The following CCDC85A variants were observed in gnomAD, a reference collection of about 807,000 sequenced individuals.
CCDC85A encodes the protein coiled-coil domain-containing protein 85A.
CCDC85A carries 38 observed loss-of-function variants against 50.2 expected under a neutral mutation model. That is an observed-to-expected ratio of 0.76 (90% confidence interval 0.58 to 0.99). CCDC85A has a LOEUF of 0.99. Ranked by LOEUF, CCDC85A falls within the 50% of genes least tolerant of loss-of-function variation. The pLI, the probability that CCDC85A is intolerant of heterozygous loss-of-function variation, is 0.00. For synonymous variants in CCDC85A, 366 were observed against 301.4 expected (o/e 1.21, Z -2.22); for missense variants, 820 against 742.0 (o/e 1.11, Z -1.22).
intron 2 of CCDC85A, among the ~76,000 whole-genome samples, chr2:56,229,480 T>A (rs1230066731): frequency 1.3e-5 from 2 of 152,142 alleles, no homozygotes; most frequent in South Asian, 4.1e-4. Context: ...ATTTTAGACC[T>A]TAGTTCTTCA....
At chr2:56,260,894 T>G (rs1209640155) in intron 2 of CCDC85A, among the ~76,000 whole-genome samples, 1 of 152,210 alleles carries the variant, frequency 6.6e-6, no homozygotes, top group Non-Finnish European at 1.5e-5. Flanking sequence ...TAACCTTTGA[T>G]TATTAGAACT....
At chr2:56,236,638 T>G (rs572673857) in intron 2 of CCDC85A, among the ~76,000 whole-genome samples, 44 of 152,306 alleles carry the variant, frequency 2.9e-4, no homozygotes, top group Admixed American at 1.4e-3. Context: ...TTTCAAAATT[T>G]AAAAGTGTCC....
At chr2:56,364,841 A>G (rs888292155) in intron 3 of CCDC85A, among the ~76,000 whole-genome samples, 10 of 150,906 alleles carry the variant, frequency 6.6e-5, no homozygotes, top group Admixed American at 2.6e-4. Flanking sequence ...TGTAGGCAAT[A>G]AGTAATACTT....
chr2:56,184,443 G>T lies in CCDC85A; in HGVS notation c.-182G>T. ...GGGGGAGCGCGGGCGCGCGCGCGGG[G>T]ATGGCGAGGTAGGATGGCCACCCAG... On this transcript the variant is annotated 5_prime_UTR_variant, in exon 1 of 6. Coordinates refer to ENST00000407595, the MANE Select transcript of CCDC85A (RefSeq NM_001080433.2). 1.5e-6 allele frequency: 1 copy of T among 650,054 alleles called. No individual in the cohort carries two copies. 40.3% of individuals were successfully genotyped at this position (650,054 alleles called of 1,614,324 possible).
intron 5 of CCDC85A, among the ~76,000 whole-genome samples, chr2:56,377,517 G>A (rs1011578092): frequency 1.3e-5 from 2 of 152,150 alleles, no homozygotes; most frequent in Admixed American, 1.3e-4. Context: ...AGCATAGTGA[G>A]TCACACTGAA....
intron 2 of CCDC85A, among the ~76,000 whole-genome samples, chr2:56,299,048 C>G (rs1314281625): frequency 6.6e-6 from 1 of 152,148 alleles, no homozygotes; most frequent in African/African-American, 2.4e-5. Flanking sequence ...TTTAGGCATA[C>G]AACAGTGTGG....
chr2:56,296,395 C>T (rs1031896935), intron 2 of CCDC85A, among the ~76,000 whole-genome samples: 1 of 152,098 alleles, frequency 6.6e-6, no homozygotes, highest in African/African-American at 2.4e-5. Flanking sequence ...TTCTTCTTTC[C>T]CTTTTCCATA....
In CCDC85A at chr2:56,283,464, A is replaced by G. The variant is rs552539885; in HGVS notation, c.1241-59415A>G. On this transcript the variant is annotated intron_variant, in intron 2 of 5. Transcript: ENST00000407595. The stretch of plus-strand genomic sequence containing the variant: ...TTTTTTGAATAAATTCCACTTGGTT[A>G]TGAAAGTTTCTTTTCTAACATTTGC... Among the ~76,000 whole-genome samples the G allele has an allele frequency of 3.1e-3, 476 of 152,264 alleles. 3 individuals carry two copies. Among genetic ancestry groups the G allele is most frequent in the African/African-American group, 0.011 (459 of 41,560 alleles).
chr2:56,248,604 G>A (rs1303463579), intron 2 of CCDC85A, among the ~76,000 whole-genome samples: 2 of 152,218 alleles, frequency 1.3e-5, no homozygotes, highest in East Asian at 3.8e-4. Flanking sequence ...CGACAAGGCA[G>A]AGGCTCAACA....
chr2:56,305,662 A>T (rs1012025400), intron 2 of CCDC85A, among the ~76,000 whole-genome samples: 3 of 152,252 alleles, frequency 2.0e-5, no homozygotes, highest in Non-Finnish European at 2.9e-5. Context: ...GTTTCATTAC[A>T]GGCAGAATCC....
chr2:56,252,618 G>A (rs1018823489), intron 2 of CCDC85A, among the ~76,000 whole-genome samples: 19 of 151,942 alleles, frequency 1.3e-4, no homozygotes, highest in Non-Finnish European at 2.4e-4. Context: ...AGGTATACAC[G>A]TGCCATGGTG....
chr2:56,296,941 T>G (rs1671977391), intron 2 of CCDC85A, among the ~76,000 whole-genome samples: 1 of 151,278 alleles, frequency 6.6e-6, no homozygotes, highest in Admixed American at 6.6e-5. Flanking sequence ...GAAATAAGAC[T>G]TTTGAAAACA....
At chr2:56,356,832 G>T (rs773028187) in intron 3 of CCDC85A, among the ~76,000 whole-genome samples, 15 of 151,490 alleles carry the variant, frequency 9.9e-5, no homozygotes, top group Admixed American at 2.0e-4. Context: ...CGCTTTGGGA[G>T]GCCGAGGCTT....
chr2:56,265,653 G>A (rs941368844), intron 2 of CCDC85A, among the ~76,000 whole-genome samples: 1 of 152,154 alleles, frequency 6.6e-6, no homozygotes, highest in Admixed American at 6.5e-5. Context: ...TAAAAGTGTT[G>A]GTGAGGATGT....
intron 2 of CCDC85A, among the ~76,000 whole-genome samples, chr2:56,268,132 A>C (rs1319120447): frequency 6.6e-6 from 1 of 152,240 alleles, no homozygotes; most frequent in Non-Finnish European, 1.5e-5. Context: ...TGAGGTGTTC[A>C]GTTAACATTA....
chr2:56,228,813 A>G (rs1011083905), intron 2 of CCDC85A, among the ~76,000 whole-genome samples: 6 of 152,296 alleles, frequency 3.9e-5, no homozygotes, highest in South Asian at 2.1e-4. Flanking sequence ...GATTACAGGC[A>G]TGAGTCACCA....
chr2:56,377,842 C>T (rs1369587026), intron 5 of CCDC85A, among the ~76,000 whole-genome samples: 2 of 149,806 alleles, frequency 1.3e-5, no homozygotes, highest in African/African-American at 4.9e-5. Flanking sequence ...GAGCCGAGAT[C>T]GTGCCATTGC....
intron 2 of CCDC85A, among the ~76,000 whole-genome samples, chr2:56,205,639 G>A (rs1676928470): frequency 6.6e-6 from 1 of 152,196 alleles, no homozygotes; most frequent in Non-Finnish European, 1.5e-5. Flanking sequence ...ATGGATGTGA[G>A]TAGTAGTAGG....
chr2:56,342,953 C>A lies in CCDC85A; in HGVS notation c.1315C>A (p.Gln439Lys). The A allele has an allele frequency of 6.3e-7, 1 of 1,588,590 alleles. No individual in the cohort carries two copies. The highest frequency in any genetic ancestry group is 8.6e-7 in the Non-Finnish European group (1 of 1,166,120). ...GGAGGAAGAAAATCGCATGCTGCCC[C>A]AGGTGGGTGACTTCCAGAAGCTCAT... ...QLEEENRMLP[Q>K]ASQNRRQPPT... is the part of the protein sequence containing the mutation. The change falls in exon 3 of 6, where the codon CAG becomes AAG. Residue 439 changes from glutamine (Q) to lysine (K), a missense_variant and splice_region_variant. By Grantham distance (53) the Gln-to-Lys change is moderately conservative. Coordinates refer to ENST00000407595, the MANE Select transcript of CCDC85A (RefSeq NM_001080433.2).
Sources: gnomAD v4.1 joint callset for allele counts (sites outside exome capture counted in the v4.1 genomes callset) on GRCh38, gnomAD v4.1.1 for gene constraint, MANE v1.5 for transcripts, NCBI Gene and HGNC (gene_info 2026-07-23, HGNC 2026-07-21) for gene names.